NUP188: variants seen among roughly 807,000 people sequenced by gnomAD.
The protein encoded by NUP188 is nucleoporin NUP188.
In NUP188, 97 loss-of-function variants were observed where a neutral mutation model predicts 223.0. The ratio of observed to expected loss-of-function variants is 0.43; its 90% CI spans 0.37 to 0.51. NUP188 has a LOEUF of 0.51. NUP188 is among the 20% of genes least tolerant of loss of function. The pLI is 0.00. For synonymous variants in NUP188, 869 were observed against 828.0 expected (o/e 1.05, Z -0.85); for missense variants, 1,947 against 2,175.6 (o/e 0.89, Z 2.09).
intron 15 of NUP188, 32 bp downstream of exon 15, chr9:128,981,422 C>CTTT: frequency 1.9e-5 from 26 of 1,399,110 alleles, no homozygotes; most frequent in East Asian, 1.2e-4. Context: ...TTTATGACAG[C>CTTT]TTTTTTTTTT....
At chr9:128,951,275 C>A (rs1215637336) in intron 2 of NUP188, among the ~76,000 whole-genome samples, 1 of 149,534 alleles carries the variant, frequency 6.7e-6, no homozygotes, top group African/African-American at 2.5e-5. Flanking sequence ...CAACTGTACT[C>A]CAGCCTGGGT....
intron 11 of NUP188, 145 bp downstream of exon 11, chr9:128,971,103 T>C: frequency 1.5e-6 from 1 of 663,926 alleles, no homozygotes; most frequent in South Asian, 1.8e-5. Context: ...AGGCATTATT[T>C]ATAATGTTTA....
chr9:128,981,545 T>A (rs1413823132), intron 15 of NUP188, among the ~76,000 whole-genome samples, 155 bp downstream of exon 15: 1 of 151,970 alleles, frequency 6.6e-6, no homozygotes, highest in East Asian at 1.9e-4. Flanking sequence ...CCCAAAGCAC[T>A]GGGATTATAG....
intron 25 of NUP188, 78 bp downstream of exon 25, chr9:128,990,304 G>A (rs905182455): frequency 9.0e-7 from 1 of 1,110,782 alleles, no homozygotes; most frequent in Admixed American, 1.7e-5. Flanking sequence ...ACATGCTCAG[G>A]CCACGTGCAG....
Position 128,999,700 on chromosome 9 carries a change from C to T in NUP188, c.3738C>T (p.Phe1246=), listed in dbSNP as rs767916447. 15 of 1,613,914 alleles carry T rather than the reference C, an allele frequency of 9.3e-6. No individual in the cohort carries two copies. The highest frequency in any genetic ancestry group is 3.3e-4 in the Middle Eastern group (2 of 6,084). ...TCCAAGAGGAAGTGATTGCACTCTT[C>T]GACCAGACCCGCCACAGTCTGGCAT... is the stretch of plus-strand genomic sequence containing the variant. The part of the protein sequence containing the change: ...ETLQEEVIAL[F]DQTRHSLALG... The change falls in exon 34 of 44, where the codon TTC becomes TTT. Residue 1246 remains phenylalanine, a synonymous_variant. Transcript: ENST00000372577.
At chr9:128,993,824 G>A (rs1196550284) in intron 27 of NUP188, 130 bp downstream of exon 27, 2 of 754,674 alleles carry the variant, frequency 2.7e-6, no homozygotes, top group Non-Finnish European at 4.3e-6. Context: ...TCAATACCTG[G>A]GAGTTTTACA....
chr9:129,000,073 G>A (rs970640468), intron 34 of NUP188, among the ~76,000 whole-genome samples: 10 of 152,212 alleles, frequency 6.6e-5, no homozygotes, highest in South Asian at 2.1e-4. Context: ...GATTGTAGCC[G>A]CGGGCAAATG....
chr9:129,005,452 C>T lies in NUP188; in HGVS notation c.4659C>T (p.Gly1553=). ...AGGCCTTGCACACAGTCCAGTATGGCCTTCTCAAGATCCTCAGCAAGACGC... is the reference window on the plus strand; with the variant it reads ...AGGCCTTGCACACAGTCCAGTATGGTCTTCTCAAGATCCTCAGCAAGACGC... ...EQQALHTVQY[G]LLKILSKTLA... Residue 1553 remains glycine, a synonymous_variant, in exon 40 of 44, where the codon GGC becomes GGT. Transcript: ENST00000372577. The T allele has an allele frequency of 6.2e-7, 1 of 1,607,462 alleles. No homozygotes were observed. Among genetic ancestry groups the T allele is most frequent in the Non-Finnish European group, 8.5e-7 (1 of 1,180,010 alleles).
At chr9:128,986,421 T>A (rs1588283744) in intron 20 of NUP188, 137 bp from the exon 21 acceptor site, 1 of 883,970 alleles carries the variant, frequency 1.1e-6, no homozygotes, top group East Asian at 2.6e-5. Context: ...ACTTTTGATG[T>A]TTCTTTTTTT....
At chr9:129,004,519 T>A (rs1306155616) in intron 38 of NUP188, 1 of 152,232 alleles carries the variant, frequency 6.6e-6, no homozygotes, top group Non-Finnish European at 1.5e-5. Context: ...TATTTATTTA[T>A]TTTGAGACAG....
At chr9:128,995,548 T>G in intron 30 of NUP188, 34 bp downstream of exon 30, 1 of 1,523,040 alleles carries the variant, frequency 6.6e-7, no homozygotes, top group Non-Finnish European at 8.9e-7. Flanking sequence ...TTCACTTTGG[T>G]ACCTTAGCAA....
At chr9:128,973,782 T>C (rs1247925080) in intron 12 of NUP188, among the ~76,000 whole-genome samples, 6 of 152,242 alleles carry the variant, frequency 3.9e-5, no homozygotes, top group Non-Finnish European at 8.8e-5. Flanking sequence ...CATAGATAAC[T>C]TGATAACATT....
At chr9:128,956,459 A>C (rs767911929) in intron 4 of NUP188, 25 bp downstream of exon 4, 1 of 1,266,924 alleles carries the variant, frequency 7.9e-7, no homozygotes. Context: ...GCACTCGCTC[A>C]ATTTATTACT....
chr9:128,969,299 C>A, intron 9 of NUP188, 101 bp from the exon 10 acceptor site: 1 of 700,976 alleles, frequency 1.4e-6, no homozygotes. Flanking sequence ...ATGCCTGGCC[C>A]AATAGGTTTT....
At chr9:128,980,483 AG>A in intron 13 of NUP188, 122 bp from the exon 14 acceptor site, 1 of 911,602 alleles carries the variant, frequency 1.1e-6, no homozygotes, top group East Asian at 2.6e-5. Flanking sequence ...ATTATTAAGG[AG>A]GGATGATATC....
Position 128,980,619 on chromosome 9 carries a change from G to A in NUP188, c.1283G>A (p.Gly428Asp). 1.2e-6 allele frequency: 2 copies of A among 1,613,096 alleles called. No individual in the cohort carries two copies. The highest frequency in any genetic ancestry group is 1.7e-6 in the Non-Finnish European group (2 of 1,179,486). The change falls in exon 14 of 44, where the codon GGC (glycine) becomes GAC (aspartate). Residue 428 changes from glycine to aspartate, a missense_variant. Coordinates refer to ENST00000372577, the MANE Select transcript of NUP188 (RefSeq NM_015354.3). ...CTTCCACCACAGGAGCCAACTTCTG[G>A]CCTTGGGATCATTCTGGACAGTGTG... ...ELFWGTEPTS[G>D]LGIILDSVCG...
At chr9:128,951,058 T>C (rs1841776301) in intron 2 of NUP188, among the ~76,000 whole-genome samples, 1 of 151,938 alleles carries the variant, frequency 6.6e-6, no homozygotes, top group Non-Finnish European at 1.5e-5. Context: ...ACGCCTGTAA[T>C]CCCAGCACTT....
At position 128,986,590 on chromosome 9, in the gene NUP188, T is replaced by A; in HGVS notation, c.2109T>A (p.Leu703=). ...TTGGTAGTACCCAGAGCCAAGGACT[T>A]GTACCCTGTGTAATGTTTGTGCTGA... is the stretch of plus-strand genomic sequence containing the variant. ...GQLGSTQSQG[L]VPCVMFVLKE... The change falls in exon 21 of 44, where the codon CTT becomes CTA. Residue 703 remains leucine (L), a synonymous_variant. Transcript: ENST00000372577. 6.2e-7 allele frequency: 1 copy of A among 1,614,192 alleles called. No individual in the cohort carries two copies.
rs777253110 is a variant in NUP188, at chr9:128,968,526, C to T, written c.606C>T (p.Arg202=). ...TACAGACAGAGCGCCAAGTGTCTCG[C>T]TGGTTTGTTCAGTGCCTTCGGGAAC... The part of the protein sequence containing the change: ...GNLMTERQVS[R]WFVQCLREQS... The change falls in exon 9 of 44, where the codon CGC becomes CGT. Residue 202 remains arginine, a synonymous_variant. Transcript: ENST00000372577. The T allele has an allele frequency of 2.4e-5, 38 of 1,613,980 alleles. No individual in the cohort carries two copies. Among genetic ancestry groups the T allele is most frequent in the Non-Finnish European group, 3.2e-5 (38 of 1,179,974 alleles).
Sources: allele counts gnomAD v4.1 joint callset (sites outside exome capture counted in the v4.1 genomes callset), GRCh38; gene constraint gnomAD v4.1.1; transcripts MANE v1.5; gene names NCBI Gene and HGNC (gene_info 2026-07-23, HGNC 2026-07-21).